Variants in ADRA1A observed in about 807,000 individuals in gnomAD.
ADRA1A encodes the protein adrenoceptor alpha 1A, also known as alpha-1A adrenergic receptor.
A neutral mutation model predicts 29.6 loss-of-function variants in ADRA1A; 31 were observed. That is an observed-to-expected ratio of 1.05 (90% CI 0.79 to 1.41). The LOEUF is 1.41. ADRA1A is among the 40% of genes most tolerant of loss of function. ADRA1A has a pLI of 0.00. For synonymous variants in ADRA1A, 311 were observed against 254.3 expected, an observed-to-expected ratio of 1.22 and a Z score of -2.12; for missense variants, 619 against 601.1, an observed-to-expected ratio of 1.03 and a Z score of -0.31.
chr8:26,818,065 A>T lies in ADRA1A; in HGVS notation c.883+46022T>A, dbSNP rs1034223204. Among the ~76,000 whole-genome samples the T allele has an allele frequency of 5.3e-5, 8 of 152,240 alleles. No homozygotes were observed. The East Asian group carries it at 1.5e-3, about 29-fold the overall frequency. ...TCAAACACATTACGCTGAGTAAAAG[A>T]TGCCTGACTCCAAAGGCTACAAACT... On this transcript the variant is annotated intron_variant, in intron 2 of 2. Coordinates refer to ENST00000380573, the MANE Select transcript of ADRA1A (RefSeq NM_000680.4).
rs776448240 is a variant in ADRA1A, at chr8:26,831,431, G to T, written c.883+32656C>A. Among the ~76,000 whole-genome samples the T allele has an allele frequency of 9.2e-4, 140 of 152,262 alleles. No individual in the cohort carries two copies. The highest frequency in any genetic ancestry group is 1.8e-3 in the Non-Finnish European group (120 of 68,018). ...CTGCTATGCCATGGCCAGTGCTCAAGTGGGCAGACTGATACTGAGCTCTGC... is the reference window on the plus strand; with the variant it reads ...CTGCTATGCCATGGCCAGTGCTCAATTGGGCAGACTGATACTGAGCTCTGC... On this transcript the variant is annotated intron_variant, in intron 2 of 2. Coordinates refer to ENST00000380573, the MANE Select transcript of ADRA1A (RefSeq NM_000680.4). This position sits in a 1 kb window ranked among gnomAD's most constrained non-coding sequence, Gnocchi z 5.2.
intron 2 of ADRA1A, among the ~76,000 whole-genome samples, chr8:26,809,132 C>T (rs1427222223): frequency 6.6e-6 from 1 of 152,212 alleles, no homozygotes; most frequent in Non-Finnish European, 1.5e-5. Flanking sequence ...CTCTGCAATA[C>T]AATTTCAACG....
At chr8:26,755,099 G>A (rs1205101573), downstream of ADRA1A, among the ~76,000 whole-genome samples, 1 of 152,076 alleles carries the variant, frequency 6.6e-6, no homozygotes, top group African/African-American at 2.4e-5. Context: ...TGATTTGCTT[G>A]TTAAGAAGTC....
In ADRA1A at chr8:26,770,230, G is replaced by T. The variant is rs763315626; in HGVS notation, c.1320C>A (p.Thr440=). The change falls in exon 3 of 3, where the codon ACC becomes ACA. Residue 440 remains threonine, a synonymous_variant. Coordinates refer to ENST00000380573, the MANE Select transcript of ADRA1A (RefSeq NM_000680.4). ...LQVCCCVGPS[T]PSLDKNHQVP... is the part of the protein sequence containing the mutation. ...CTTGATGGTTCTTGTCAAGGCTGGG[G>T]GTTGAGGGCCCTACACAGCAGCAGA... 97 of 1,610,754 alleles carry T rather than the reference G, an allele frequency of 6.0e-5. No homozygotes were observed. Among genetic ancestry groups the T allele is most frequent in the Non-Finnish European group, 7.7e-5 (91 of 1,177,940 alleles).
exon 3 of ADRA1A, chr8:26,756,515 C>T (rs1805176448): frequency 1.3e-6 from 2 of 1,527,050 alleles, no homozygotes. Context: ...GGCTCTTTTC[C>T]TCTTTCCCTT....
downstream of ADRA1A, among the ~76,000 whole-genome samples, chr8:26,762,177 AG>A (rs2130215858): frequency 6.6e-6 from 1 of 152,272 alleles, no homozygotes; most frequent in Non-Finnish European, 1.5e-5. This position sits in a 1 kb window ranked among gnomAD's most constrained non-coding sequence, Gnocchi z 4.0. Context: ...GAGTGGTAAG[AG>A]GTGCACACCA....
At chr8:26,850,913 G>C (rs1812583859) in intron 2 of ADRA1A, among the ~76,000 whole-genome samples, 1 of 152,162 alleles carries the variant, frequency 6.6e-6, no homozygotes, top group African/African-American at 2.4e-5. Flanking sequence ...GTCCACCACT[G>C]TCGCATGGAA....
chr8:26,756,486 C>T lies in ADRA1A; in HGVS notation c.*273G>A, dbSNP rs769167082. Reference sequence around the variant, plus strand: ...TGTATGAAACTGATTTACAAAAAATCGAGCTATTTGTCCCTGAAGGCTCTT... The same window carrying T: ...TGTATGAAACTGATTTACAAAAAATTGAGCTATTTGTCCCTGAAGGCTCTT... On this transcript the variant is annotated 3_prime_UTR_variant, in exon 3 of 3. Coordinates refer to the ADRA1A transcript ENST00000380582. 120 of 1,488,040 alleles carry T rather than the reference C, an allele frequency of 8.1e-5. No homozygotes were observed. In the Middle Eastern group the frequency reaches 1.5e-3, roughly 19 times the overall value. The allele number at this position is 1,488,040 out of a possible 1,614,324, so 92.2% of individuals were successfully genotyped here.
chr8:26,763,358 T>A (rs1294028270), downstream of ADRA1A, among the ~76,000 whole-genome samples: 1 of 152,118 alleles, frequency 6.6e-6, no homozygotes, highest in African/African-American at 2.4e-5. The surrounding 1 kb of genome is among the most constrained non-coding windows in gnomAD (Gnocchi z 4.5). Context: ...AGGTGTGTAT[T>A]TATTGTTGCT....
Position 26,769,081 on chromosome 8 carries a change from C to T in ADRA1A, c.*1068G>A, listed in dbSNP as rs186136968. 19 of 985,364 alleles carry T rather than the reference C, an allele frequency of 1.9e-5. No homozygotes were observed. The East Asian group carries it at 1.4e-3, about 71-fold the overall frequency. The allele number at this position is 985,364 out of a possible 1,614,324, so 61.0% of individuals were successfully genotyped here. On this transcript the variant is annotated 3_prime_UTR_variant, in exon 3 of 3. Coordinates refer to ENST00000380573, the MANE Select transcript of ADRA1A (RefSeq NM_000680.4). ...GATCATAAGGCTCATTCCAACATGC[C>T]ACAGGTGAAGCTCATTCATTATGCA...
At chr8:26,761,361 T>C (rs1007653677), downstream of ADRA1A, among the ~76,000 whole-genome samples, 2 of 152,194 alleles carry the variant, frequency 1.3e-5, no homozygotes, top group African/African-American at 2.4e-5. Flanking sequence ...GGAGTCCTTG[T>C]GGGCTCAAAT....
chr8:26,842,970 T>C (rs1811941759), intron 2 of ADRA1A, among the ~76,000 whole-genome samples: 2 of 152,022 alleles, frequency 1.3e-5, no homozygotes, highest in Non-Finnish European at 2.9e-5. Context: ...TTGGAGCTTC[T>C]ATTGGCTTTT....
chr8:26,755,566 A>T (rs532329380), downstream of ADRA1A, among the ~76,000 whole-genome samples: 11 of 152,316 alleles, frequency 7.2e-5, no homozygotes, highest in Admixed American at 6.5e-4. Context: ...GCCTTGGCAC[A>T]GATTCCTCCC....
rs1016907983 is a variant in ADRA1A at position 26,860,064 on chromosome 8, G to A, written c.883+4023C>T. Among the ~76,000 whole-genome samples, 1 of 152,130 alleles carries A rather than the reference G, an allele frequency of 6.6e-6. No homozygotes were observed. Among genetic ancestry groups the A allele is most frequent in the Admixed American group, 6.5e-5 (1 of 15,282 alleles). ...TTAGAGGCATGAGCCACCGCGCCTG[G>A]CACCTCACTAGGATTTAAAAGAAGC... On this transcript the variant is annotated intron_variant, in intron 2 of 2. Coordinates refer to ENST00000380573, the MANE Select transcript of ADRA1A (RefSeq NM_000680.4). The surrounding 1 kb of genome is among the most constrained non-coding windows in gnomAD (Gnocchi z 4.7).
At chr8:26,783,216 T>C (rs1461598700) in intron 2 of ADRA1A, among the ~76,000 whole-genome samples, 1 of 152,180 alleles carries the variant, frequency 6.6e-6, no homozygotes. Context: ...GAGTTATATA[T>C]GAAAACTTAT....
At chr8:26,861,308 T>TTG (rs1813440935) in intron 2 of ADRA1A, among the ~76,000 whole-genome samples, 1 of 148,274 alleles carries the variant, frequency 6.7e-6, no homozygotes, top group Non-Finnish European at 1.5e-5. Context: ...GCTCTGTTTT[T>TTG]TTTTTTTTTT....
chr8:26,849,052 T>A (rs895780850), intron 2 of ADRA1A, among the ~76,000 whole-genome samples: 2 of 152,164 alleles, frequency 1.3e-5, no homozygotes, highest in Non-Finnish European at 2.9e-5. Flanking sequence ...TCAATCTATC[T>A]AAAAGAATAC....
At position 26,865,112 on chromosome 8, in the gene ADRA1A, C is replaced by T; in HGVS notation, c.-143G>A. ...GTGGGTTTGGCTGGGGGTGAGAGCG[C>T]GCGCGCGGGTGGGAAACAACCCTGG... On this transcript the variant is annotated 5_prime_UTR_variant, in exon 2 of 3. Coordinates refer to ENST00000380573, the MANE Select transcript of ADRA1A (RefSeq NM_000680.4). The surrounding 1 kb of genome is among the most constrained non-coding windows in gnomAD (Gnocchi z 7.6). 4 of 1,479,116 alleles carry T rather than the reference C, an allele frequency of 2.7e-6. No individual in the cohort carries two copies. The South Asian group carries it at 4.1e-5, about 15-fold the overall frequency. 91.6% of individuals were successfully genotyped at this position (1,479,116 alleles called of 1,614,324 possible).
chr8:26,820,281 A>C (rs1047439809), intron 2 of ADRA1A, among the ~76,000 whole-genome samples: 1 of 152,210 alleles, frequency 6.6e-6, no homozygotes, highest in Non-Finnish European at 1.5e-5. Context: ...CAACAGCAGC[A>C]TAATATATGT....
Sources: allele counts gnomAD v4.1 joint callset (sites outside exome capture counted in the v4.1 genomes callset), GRCh38; gene constraint gnomAD v4.1.1; non-coding constraint Gnocchi (gnomAD v3.1); transcripts MANE v1.5; gene names NCBI Gene and HGNC (gene_info 2026-07-23, HGNC 2026-07-21).